The following PHF20 variants were observed in gnomAD, a reference collection of about 807,000 sequenced individuals.
PHF20 encodes the protein PHD finger protein 20.
A neutral mutation model predicts 113.5 loss-of-function variants in PHF20; 23 were observed. That is an observed-to-expected ratio of 0.20 (90% CI 0.15 to 0.29). The LOEUF (loss-of-function observed/expected upper bound fraction) is 0.29. PHF20 is among the 10% of genes least tolerant of loss of function. The pLI, the probability that PHF20 is intolerant of heterozygous loss-of-function variation, is 1.00. For missense variants in PHF20, 943 were observed against 1,219.6 expected (o/e 0.77, Z 3.38); for synonymous variants, 434 against 457.3 (o/e 0.95, Z 0.65).
At chr20:35,781,072 C>T (rs1420048534) in intron 1 of PHF20, among the ~76,000 whole-genome samples, 2 of 151,572 alleles carry the variant, frequency 1.3e-5, no homozygotes, top group African/African-American at 2.4e-5. Context: ...AGTCTGGTCT[C>T]GAACCCCTGA....
chr20:35,931,069 C>G (rs539375366), intron 14 of PHF20, among the ~76,000 whole-genome samples, 180 bp from the exon 15 acceptor site: 123 of 152,248 alleles, frequency 8.1e-4, no homozygotes, highest in Admixed American at 1.8e-3. Flanking sequence ...ATCCCCACTA[C>G]CTAATAGAGA....
At chr20:35,779,437 T>C (rs2041240416) in intron 1 of PHF20, among the ~76,000 whole-genome samples, 1 of 152,046 alleles carries the variant, frequency 6.6e-6, no homozygotes. Flanking sequence ...TATTTGGGGG[T>C]CTCTGTCCTA....
In PHF20 at chr20:35,871,732, A is replaced by G. The variant is rs780219235; in HGVS notation, c.1185A>G (p.Ala395=). The change falls in exon 9 of 18, where the codon GCA becomes GCG. Residue 395 remains alanine (A), a synonymous_variant. Transcript: ENST00000374012. ...CCTTTGGGGATGGATCCGGGGCTGC[A>G]GGCTTGGAGTTGAACTGCCCATCAA... ...CHSFGDGSGA[A]GLELNCPSMG... is the part of the protein sequence containing the mutation. 9.3e-6 allele frequency: 15 copies of G among 1,613,892 alleles called. No homozygotes were observed. In the South Asian group the frequency reaches 1.5e-4, roughly 17 times the overall value.
Position 35,813,093 on chromosome 20 carries a change from C to T in PHF20, c.83+11488C>T, listed in dbSNP as rs554454809. Among the ~76,000 whole-genome samples the T allele has an allele frequency of 8.5e-5, 13 of 152,234 alleles. No individual in the cohort carries two copies. The East Asian group carries it at 1.5e-3, about 18-fold the overall frequency. ...ACGCCATTCTCCTGCCTCGGCCTCC[C>T]GAGAGCTGGGACTACAGGCGCCCGC... On this transcript the variant is annotated intron_variant, in intron 2 of 17. Transcript: ENST00000374012.
At chr20:35,848,828 G>A (rs562555416) in intron 4 of PHF20, among the ~76,000 whole-genome samples, 50 of 148,530 alleles carry the variant, frequency 3.4e-4, no homozygotes, top group Admixed American at 2.8e-3. Flanking sequence ...TTGTACTCCA[G>A]CCTGGGCAGC....
At chr20:35,854,678 C>T (rs1457333045) in intron 4 of PHF20, among the ~76,000 whole-genome samples, 1 of 152,160 alleles carries the variant, frequency 6.6e-6, no homozygotes, top group Non-Finnish European at 1.5e-5. Flanking sequence ...TAAGGACGGT[C>T]ATCCCTTAGC....
At chr20:35,933,898 G>A (rs574168198) in intron 15 of PHF20, among the ~76,000 whole-genome samples, 14 of 152,338 alleles carry the variant, frequency 9.2e-5, no homozygotes, top group African/African-American at 3.1e-4. Context: ...GAGTGGGGTA[G>A]GCCTCTTCCA....
chr20:35,899,396 G>T lies in PHF20; in HGVS notation c.1309G>T (p.Asp437Tyr). 6.2e-7 allele frequency: 1 copy of T among 1,608,570 alleles called. No individual in the cohort carries two copies. The highest frequency in any genetic ancestry group is 8.5e-7 in the Non-Finnish European group (1 of 1,176,328). The change falls in exon 10 of 18, where the codon GAT (aspartate) becomes TAT (tyrosine). Residue 437 changes from aspartate to tyrosine, a missense_variant. By Grantham distance (160) the Asp-to-Tyr change is radical (BLOSUM62 -3). This residue lies in a region of PHF20 where 592 missense variants were observed against 787.2 expected (regional missense o/e 0.75). Coordinates refer to ENST00000374012, the MANE Select transcript of PHF20 (RefSeq NM_016436.5). Reference sequence around the variant, plus strand: ...AACAAATACTTTTAAGAAAACAGATGATTTTGGGTCATCTAATGCACCAGC... The same window carrying T: ...AACAAATACTTTTAAGAAAACAGATTATTTTGGGTCATCTAATGCACCAGC... The part of the protein sequence containing the change: ...EVTNTFKKTD[D>Y]FGSSNAPAVD...
intron 13 of PHF20, among the ~76,000 whole-genome samples, chr20:35,924,364 T>G (rs1361499472): frequency 6.6e-6 from 1 of 151,188 alleles, no homozygotes; most frequent in Non-Finnish European, 1.5e-5. Context: ...TTGGCTAATT[T>G]TGTATTTTTA....
In PHF20 at chr20:35,925,275, T is replaced by C. The variant is rs200633271; in HGVS notation, c.2005-2505T>C. 1.9e-4 allele frequency among the ~76,000 whole-genome samples: 29 copies of C among 151,006 alleles called. No homozygotes were observed. The East Asian group carries it at 3.5e-3, about 18-fold the overall frequency. On this transcript the variant is annotated intron_variant, in intron 13 of 17. Transcript: ENST00000374012. ...TTTATTGAGACTTTTTTTTTTTTTT[T>C]CTGATATGGAATCTCGCTCTGTTGC...
intron 2 of PHF20, among the ~76,000 whole-genome samples, chr20:35,815,695 G>A (rs184560169): frequency 6.6e-6 from 1 of 152,054 alleles, no homozygotes; most frequent in Admixed American, 6.6e-5. Context: ...TCGGTCTCCT[G>A]ACCTCGTGTT....
At chr20:35,815,579 C>T (rs1432833103) in intron 2 of PHF20, among the ~76,000 whole-genome samples, 1 of 152,112 alleles carries the variant, frequency 6.6e-6, no homozygotes, top group African/African-American at 2.4e-5. Flanking sequence ...GATTCTCCTG[C>T]CTCAGTCTCC....
intron 4 of PHF20, chr20:35,849,319 G>A (rs2146948122): frequency 7.6e-6 from 3 of 395,410 alleles, no homozygotes; most frequent in South Asian, 2.0e-5. Flanking sequence ...CTTGGTGGAG[G>A]CAATGAAGGC....
At chr20:35,789,790 C>T (rs762496805) in intron 1 of PHF20, among the ~76,000 whole-genome samples, 1 of 151,732 alleles carries the variant, frequency 6.6e-6, no homozygotes, top group Non-Finnish European at 1.5e-5. Context: ...TCATGATCCG[C>T]CTGCCTGTGC....
intron 14 of PHF20, among the ~76,000 whole-genome samples, chr20:35,929,743 A>G (rs1298367022): frequency 6.6e-6 from 1 of 152,192 alleles, no homozygotes; most frequent in African/African-American, 2.4e-5. Context: ...AATCGCCAAT[A>G]CTGTGAATAG....
At chr20:35,887,807 T>TAAAAA (rs774278547) in intron 9 of PHF20, 2 of 105,250 alleles carry the variant, frequency 1.9e-5, no homozygotes, top group Non-Finnish European at 4.1e-5. Flanking sequence ...AAGACTGAAT[T>TAAAAA]AAAAAAAAAA....
At chr20:35,929,135 G>A (rs987698314) in intron 14 of PHF20, among the ~76,000 whole-genome samples, 3 of 152,160 alleles carry the variant, frequency 2.0e-5, no homozygotes, top group Non-Finnish European at 4.4e-5. Context: ...AGGTGGGCCT[G>A]GTTCTCCTAC....
intron 17 of PHF20, among the ~76,000 whole-genome samples, chr20:35,946,620 C>G (rs1410584030): frequency 2.7e-5 from 4 of 150,734 alleles, no homozygotes; most frequent in African/African-American, 7.3e-5. Context: ...ACACCAGGCT[C>G]TCTGATTTTC....
At chr20:35,831,218 A>G (rs1202316638) in intron 2 of PHF20, among the ~76,000 whole-genome samples, 3 of 148,576 alleles carry the variant, frequency 2.0e-5, no homozygotes, top group Non-Finnish European at 4.4e-5. Flanking sequence ...GGAGTTCAGT[A>G]GTGCGATCAT....
Sources: gnomAD v4.1 joint callset for allele counts (sites outside exome capture counted in the v4.1 genomes callset) on GRCh38, gnomAD v4.1.1 for gene constraint, gnomAD v4.1.1 regional missense constraint, MANE v1.5 for transcripts, NCBI Gene and HGNC (gene_info 2026-07-23, HGNC 2026-07-21) for gene names.